LRMDA: variants seen among roughly 807,000 people sequenced by gnomAD.
LRMDA encodes the protein leucine rich melanocyte differentiation associated, also known as leucine-rich melanocyte differentiation-associated protein.
A neutral mutation model predicts 29.8 loss-of-function variants in LRMDA; 18 were observed. The observed-to-expected ratio is 0.60, with a 90% CI of 0.42 to 0.90. LRMDA has a LOEUF of 0.90. LRMDA is among the 40% of genes least tolerant of loss of function. The pLI is 0.00. For missense variants in LRMDA, 273 were observed against 273.9 expected, an observed-to-expected ratio of 1.00 and a Z score of 0.02; for synonymous variants, 125 against 109.4, an observed-to-expected ratio of 1.14 and a Z score of -0.89.
At chr10:76,140,592 A>T (rs991235070) in intron 5 of LRMDA, among the ~76,000 whole-genome samples, 4 of 152,132 alleles carry the variant, frequency 2.6e-5, no homozygotes, top group Admixed American at 1.3e-4. Flanking sequence ...CTTTGGCAGC[A>T]TGGGAACTTT....
chr10:75,726,598 G>A (rs1305435329), intron 2 of LRMDA, among the ~76,000 whole-genome samples: 1 of 152,188 alleles, frequency 6.6e-6, no homozygotes, highest in Non-Finnish European at 1.5e-5. Flanking sequence ...TACTGGGAGG[G>A]AAGCACTCAT....
At chr10:75,641,304 A>G (rs1357543459) in intron 2 of LRMDA, among the ~76,000 whole-genome samples, 2 of 152,090 alleles carry the variant, frequency 1.3e-5, no homozygotes, top group Non-Finnish European at 2.9e-5. Flanking sequence ...TTGCTCTACT[A>G]TGAAAGGCTT....
chr10:76,191,755 A>G (rs1350500610), intron 5 of LRMDA, among the ~76,000 whole-genome samples: 2 of 152,228 alleles, frequency 1.3e-5, no homozygotes, highest in African/African-American at 2.4e-5. Flanking sequence ...GGAAATGCCA[A>G]AATGACTCTT....
intron 2 of LRMDA, among the ~76,000 whole-genome samples, chr10:75,879,149 C>T (rs1397386068): frequency 6.6e-6 from 1 of 152,208 alleles, no homozygotes; most frequent in Non-Finnish European, 1.5e-5. Flanking sequence ...GTAGCGGTGT[C>T]AGTCTTATAA....
At chr10:75,589,504 G>A (rs993544667) in intron 2 of LRMDA, among the ~76,000 whole-genome samples, 2 of 152,102 alleles carry the variant, frequency 1.3e-5, no homozygotes, top group Non-Finnish European at 2.9e-5. Context: ...TGTAATCCCA[G>A]CAATTTTGGT....
intron 3 of LRMDA, among the ~76,000 whole-genome samples, chr10:76,046,438 G>T (rs1343167225): frequency 1.3e-5 from 2 of 152,092 alleles, no homozygotes; most frequent in African/African-American, 4.8e-5. Context: ...AACAGAGAAA[G>T]AATATATTTT....
chr10:76,470,077 A>G (rs1407310475), intron 6 of LRMDA, among the ~76,000 whole-genome samples: 2 of 152,134 alleles, frequency 1.3e-5, no homozygotes, highest in Non-Finnish European at 2.9e-5. Flanking sequence ...TCAAGCAACA[A>G]TCTTATATCC....
intron 2 of LRMDA, among the ~76,000 whole-genome samples, chr10:75,971,021 A>G (rs1846958502): frequency 6.6e-6 from 1 of 152,156 alleles, no homozygotes; most frequent in African/African-American, 2.4e-5. Context: ...GTGACCAATG[A>G]GCCCTCCTCA....
chr10:76,335,508 A>T (rs1840956149), intron 6 of LRMDA, among the ~76,000 whole-genome samples: 1 of 152,176 alleles, frequency 6.6e-6, no homozygotes, highest in Non-Finnish European at 1.5e-5. Context: ...AGACTTAAGG[A>T]TGCGCCTGTG....
At chr10:76,046,846 C>T (rs1326089131) in intron 3 of LRMDA, among the ~76,000 whole-genome samples, 2 of 152,180 alleles carry the variant, frequency 1.3e-5, no homozygotes, top group Admixed American at 1.3e-4. Context: ...AAATATTTTA[C>T]TCTATGGAAT....
intron 2 of LRMDA, among the ~76,000 whole-genome samples, chr10:75,806,809 CAAAA>C (rs56657815): frequency 1.3e-5 from 1 of 77,280 alleles, no homozygotes; most frequent in Non-Finnish European, 3.0e-5. Flanking sequence ...CTGGAAATTG[CAAAA>C]AAAAAAAAAA....
chr10:76,389,381 C>T (rs1003000222), intron 6 of LRMDA, among the ~76,000 whole-genome samples: 1 of 152,150 alleles, frequency 6.6e-6, no homozygotes, highest in Non-Finnish European at 1.5e-5. Context: ...GAGAGATCAC[C>T]AGGATGGTGA....
intron 3 of LRMDA, 147 bp downstream of exon 3, chr10:76,036,281 A>G: frequency 7.2e-6 from 6 of 835,920 alleles, no homozygotes; most frequent in Non-Finnish European, 1.1e-5. Flanking sequence ...TCGTGGGCAG[A>G]CAAAGCATTC....
intron 5 of LRMDA, among the ~76,000 whole-genome samples, chr10:76,197,724 G>C (rs992983765): frequency 6.6e-6 from 1 of 151,788 alleles, no homozygotes; most frequent in Non-Finnish European, 1.5e-5. Flanking sequence ...TTTGAGACCC[G>C]CCTGGTCAAT....
chr10:75,904,118 G>T (rs750872247), intron 2 of LRMDA, among the ~76,000 whole-genome samples: 2 of 152,180 alleles, frequency 1.3e-5, no homozygotes, highest in Admixed American at 6.5e-5. Context: ...TTGGCTGGGA[G>T]AATTTTCTAA....
chr10:75,829,696 A>G (rs1257426685), intron 2 of LRMDA, among the ~76,000 whole-genome samples: 1 of 152,104 alleles, frequency 6.6e-6, no homozygotes, highest in African/African-American at 2.4e-5. Context: ...AAGTCTATCT[A>G]TACTTCCCCT....
chr10:75,596,535 T>C (rs1840790229), intron 2 of LRMDA, among the ~76,000 whole-genome samples: 1 of 152,024 alleles, frequency 6.6e-6, no homozygotes, highest in African/African-American at 2.4e-5. Context: ...CATCTGAGTC[T>C]ACTGAGATTT....
At chr10:75,434,496 G>A (rs910499391) in intron 1 of LRMDA, among the ~76,000 whole-genome samples, 5 of 152,148 alleles carry the variant, frequency 3.3e-5, no homozygotes, top group South Asian at 2.1e-4. Flanking sequence ...TGACTCATCC[G>A]CGACAACACA....
intron 2 of LRMDA, among the ~76,000 whole-genome samples, chr10:75,848,417 G>A (rs774993496): frequency 2.6e-5 from 4 of 152,218 alleles, no homozygotes; most frequent in Non-Finnish European, 4.4e-5. Flanking sequence ...GGGTTGTGGA[G>A]TGGAGGCCCA....
Sources: allele counts gnomAD v4.1 joint callset (sites outside exome capture counted in the v4.1 genomes callset), GRCh38; gene constraint gnomAD v4.1.1; transcripts MANE v1.5; gene names NCBI Gene and HGNC (gene_info 2026-07-23, HGNC 2026-07-21).